Variants in NRG1 observed in about 807,000 individuals in gnomAD.
NRG1 encodes the protein neuregulin 1.
A neutral mutation model predicts 63.8 loss-of-function variants in NRG1; 18 were observed. The observed-to-expected ratio is 0.28, with a 90% CI of 0.19 to 0.42. NRG1 has a LOEUF of 0.42. Among genes scored for constraint, NRG1 ranks in the 10% least tolerant of loss-of-function variants. The pLI is 1.00. For missense variants in NRG1, 762 were observed against 814.7 expected (o/e 0.94, Z 0.79); for synonymous variants, 302 against 301.3 (o/e 1.00, Z -0.02).
intron 1 of NRG1, among the ~76,000 whole-genome samples, chr8:31,713,184 T>A (rs1265553432): frequency 6.9e-6 from 1 of 144,616 alleles, no homozygotes; most frequent in Non-Finnish European, 1.5e-5. Flanking sequence ...TGGTGGGATC[T>A]CCACTCACTG....
intron 1 of NRG1, among the ~76,000 whole-genome samples, chr8:32,216,217 T>A (rs76475718): frequency 0.021 from 3,173 of 150,266 alleles, 120 homozygotes; most frequent in African/African-American, 0.074. Flanking sequence ...TATATATAAT[T>A]GGTTCTGTTT....
At chr8:32,099,979 G>A (rs991813359) in intron 1 of NRG1, among the ~76,000 whole-genome samples, 11 of 152,090 alleles carry the variant, frequency 7.2e-5, no homozygotes, top group African/African-American at 2.7e-4. Flanking sequence ...AGGCAAGTGG[G>A]ATTGGAGTAC....
At chr8:32,191,612 A>AC (rs1412820947) in intron 1 of NRG1, among the ~76,000 whole-genome samples, 12 of 152,202 alleles carry the variant, frequency 7.9e-5, no homozygotes, top group African/African-American at 2.9e-4. Context: ...TATGTGATCA[A>AC]CCTGTTTGGA....
chr8:32,716,953 C>G (rs1819401651), intron 5 of NRG1, among the ~76,000 whole-genome samples: 1 of 151,792 alleles, frequency 6.6e-6, no homozygotes, highest in Non-Finnish European at 1.5e-5. Flanking sequence ...TCCCATTGAA[C>G]AACATTAGGT....
chr8:32,455,143 C>T (rs1328177335), intron 1 of NRG1, among the ~76,000 whole-genome samples: 2 of 152,254 alleles, frequency 1.3e-5, no homozygotes, highest in African/African-American at 2.4e-5. Context: ...CATCGTTAAG[C>T]AACCATTACT....
intron 1 of NRG1, among the ~76,000 whole-genome samples, chr8:32,058,611 G>T (rs2130887753): frequency 6.6e-6 from 1 of 151,572 alleles, no homozygotes; most frequent in Non-Finnish European, 1.5e-5. Flanking sequence ...AGACTTTCTG[G>T]TAGAGCACTC....
intron 1 of NRG1, among the ~76,000 whole-genome samples, chr8:32,509,102 T>A (rs1484685827): frequency 2.8e-5 from 4 of 143,804 alleles, no homozygotes; most frequent in Non-Finnish European, 6.1e-5. Context: ...ATTTTATATT[T>A]TATTTTATTT....
intron 1 of NRG1, among the ~76,000 whole-genome samples, chr8:32,042,377 G>A (rs1459259518): frequency 1.3e-5 from 2 of 152,020 alleles, no homozygotes. Context: ...TACTTGAGCT[G>A]AGGATGTCGA....
At chr8:32,261,645 A>G (rs557841858) in intron 1 of NRG1, among the ~76,000 whole-genome samples, 1 of 152,112 alleles carries the variant, frequency 6.6e-6, no homozygotes, top group African/African-American at 2.4e-5. Context: ...CTAGGGAGTG[A>G]GGACCAACAG....
intron 1 of NRG1, among the ~76,000 whole-genome samples, chr8:32,069,365 T>G (rs1462904): frequency 0.62 from 94,216 of 152,088 alleles, 30,474 homozygotes; most frequent in Non-Finnish European, 0.71. Context: ...ATTAGAGTTA[T>G]GATGAAGTAT....
chr8:32,569,922 T>G (rs2129528482), intron 1 of NRG1, among the ~76,000 whole-genome samples: 1 of 149,170 alleles, frequency 6.7e-6, no homozygotes, highest in South Asian at 2.1e-4. Context: ...TTTTTTTTTT[T>G]TTTGAGATGG....
At chr8:31,733,299 T>C (rs1814305564) in intron 1 of NRG1, among the ~76,000 whole-genome samples, 1 of 152,180 alleles carries the variant, frequency 6.6e-6, no homozygotes, top group African/African-American at 2.4e-5. Flanking sequence ...GGTATCTTTT[T>C]GATATAAAGA....
intron 1 of NRG1, among the ~76,000 whole-genome samples, chr8:32,288,038 C>G (rs1415545894): frequency 6.6e-6 from 1 of 152,096 alleles, no homozygotes; most frequent in African/African-American, 2.4e-5. Flanking sequence ...TGCTAATGTA[C>G]TAGTGATTAG....
intron 1 of NRG1, among the ~76,000 whole-genome samples, chr8:31,943,276 C>T (rs1260874764): frequency 6.6e-6 from 1 of 152,072 alleles, no homozygotes; most frequent in Non-Finnish European, 1.5e-5. Context: ...ATTGAAGTAA[C>T]TCAGGAATGG....
chr8:31,806,661 T>G (rs757621976), intron 1 of NRG1, among the ~76,000 whole-genome samples: 1 of 152,226 alleles, frequency 6.6e-6, no homozygotes, highest in Non-Finnish European at 1.5e-5. Context: ...ATCCTTTTCA[T>G]TTTGATCCAA....
intron 1 of NRG1, among the ~76,000 whole-genome samples, chr8:32,334,513 T>C (rs1803019679): frequency 6.6e-6 from 1 of 152,168 alleles, no homozygotes. Context: ...CCAGCTCAGA[T>C]GATTCATAGT....
intron 1 of NRG1, among the ~76,000 whole-genome samples, chr8:31,839,762 T>C (rs1826014800): frequency 6.6e-6 from 1 of 152,148 alleles, no homozygotes; most frequent in Admixed American, 6.5e-5. Flanking sequence ...AAGTACTTGG[T>C]GAAACACTTT....
At chr8:32,147,117 T>G (rs1476458903) in intron 1 of NRG1, among the ~76,000 whole-genome samples, 1 of 152,168 alleles carries the variant, frequency 6.6e-6, no homozygotes, top group African/African-American at 2.4e-5. Flanking sequence ...AAAGAGTAAA[T>G]GAGTGTTGAT....
chr8:31,715,910 T>A (rs187365444), intron 1 of NRG1, among the ~76,000 whole-genome samples: 38 of 152,332 alleles, frequency 2.5e-4, no homozygotes, highest in Admixed American at 5.2e-4. Flanking sequence ...TAAATATAGT[T>A]GAAAGTCATA....
Sources: allele counts gnomAD v4.1 joint callset (sites outside exome capture counted in the v4.1 genomes callset), GRCh38; gene constraint gnomAD v4.1.1; transcripts MANE v1.5; gene names NCBI Gene and HGNC (gene_info 2026-07-23, HGNC 2026-07-21).